Variants in THSD7A observed in about 807,000 individuals in gnomAD.
The protein encoded by THSD7A is thrombospondin type-1 domain-containing protein 7A.
THSD7A carries 96 observed loss-of-function variants against 231.3 expected under a neutral mutation model. The observed-to-expected ratio is 0.41, with a 90% confidence interval of 0.35 to 0.49. The LOEUF is 0.49. Among genes scored for constraint, THSD7A ranks in the 20% least tolerant of loss-of-function variants. The pLI, the probability that THSD7A is intolerant of heterozygous loss-of-function variation, is 0.05. For missense variants in THSD7A, 2,290 were observed against 2,070.2 expected, an observed-to-expected ratio of 1.11 and a Z score of -2.06; for synonymous variants, 940 against 743.3, an observed-to-expected ratio of 1.26 and a Z score of -4.30.
intron 1 of THSD7A, among the ~76,000 whole-genome samples, chr7:11,708,332 T>C (rs1188981322): frequency 6.6e-6 from 1 of 150,832 alleles, no homozygotes; most frequent in Non-Finnish European, 1.5e-5. Flanking sequence ...ATTTTGTTCA[T>C]GCTTTTCAAA....
chr7:11,437,649 T>C (rs1432150267), intron 13 of THSD7A, among the ~76,000 whole-genome samples: 1 of 152,072 alleles, frequency 6.6e-6, no homozygotes, highest in African/African-American at 2.4e-5. Flanking sequence ...AAATTAGGAC[T>C]CCATTTCAGC....
chr7:11,770,631 G>T (rs1385751444), intron 1 of THSD7A, among the ~76,000 whole-genome samples: 1 of 152,066 alleles, frequency 6.6e-6, no homozygotes. Flanking sequence ...ACTACACATA[G>T]CATGAAAATT....
intron 3 of THSD7A, among the ~76,000 whole-genome samples, chr7:11,592,754 G>A (rs1165670740): frequency 6.6e-6 from 1 of 152,142 alleles, no homozygotes; most frequent in East Asian, 1.9e-4. Flanking sequence ...GTTATACAAA[G>A]TACTGAATTT....
chr7:11,654,180 A>G (rs886486864), intron 1 of THSD7A, among the ~76,000 whole-genome samples: 1 of 151,942 alleles, frequency 6.6e-6, no homozygotes, highest in Non-Finnish European at 1.5e-5. Flanking sequence ...TACACTTCCA[A>G]GTTTCTTAAG....
rs903808427 is a variant in THSD7A, at chr7:11,373,279, T to C, written c.*2515A>G. 4 of 152,154 alleles carry C rather than the reference T, an allele frequency of 2.6e-5. No homozygotes were observed. The highest frequency in any genetic ancestry group is 9.6e-5 in the African/African-American group (4 of 41,548). 9.4% of individuals were successfully genotyped at this position (152,154 alleles called of 1,614,324 possible). ...ATTCTATCCCACATTTCAAAATTAA[T>C]AGGTGTTGCACACATTTCATAAGAG... On this transcript the variant is annotated 3_prime_UTR_variant, in exon 28 of 28. Coordinates refer to ENST00000423059, the MANE Select transcript of THSD7A (RefSeq NM_015204.3).
intron 2 of THSD7A, among the ~76,000 whole-genome samples, chr7:11,635,261 AT>A (rs58682174): frequency 0.098 from 14,887 of 152,068 alleles, 2,026 homozygotes; most frequent in African/African-American, 0.3. Flanking sequence ...ATGTTACTAT[AT>A]TTTTTTCAGT....
At chr7:11,715,271 A>C (rs888625168) in intron 1 of THSD7A, among the ~76,000 whole-genome samples, 1 of 151,498 alleles carries the variant, frequency 6.6e-6, no homozygotes. Context: ...ATGAAGATTC[A>C]AAGATCTCCT....
rs1240595212 is a variant in THSD7A, at chr7:11,820,971, C to T, written c.190+10786G>A. The T allele has an allele frequency of 5.8e-6, 6 of 1,036,460 alleles. No individual in the cohort carries two copies. In the African/African-American group the frequency reaches 8.0e-5, roughly 14 times the overall value. The allele number at this position is 1,036,460 out of a possible 1,614,324, so 64.2% of individuals were successfully genotyped here. ...TTTTTTATGACGTTCAATATCAAGG[C>T]GGAGATCAACAGGATCATCTCTGTA... On this transcript the variant is annotated intron_variant, in intron 1 of 27. Coordinates refer to ENST00000423059, the MANE Select transcript of THSD7A (RefSeq NM_015204.3).
At chr7:11,553,051 T>G (rs918073989) in intron 4 of THSD7A, among the ~76,000 whole-genome samples, 1 of 152,064 alleles carries the variant, frequency 6.6e-6, no homozygotes, top group African/African-American at 2.4e-5. Flanking sequence ...CATTTGTGTC[T>G]GTGTCCTAAA....
At chr7:11,593,610 G>A (rs926086018) in intron 2 of THSD7A, 108 bp from the exon 3 acceptor site, 2 of 1,373,584 alleles carry the variant, frequency 1.5e-6, no homozygotes, top group Admixed American at 2.3e-5. Context: ...CTACTTGGAG[G>A]TGTGATTCCA....
At chr7:11,671,500 CATTTATT>C (rs1783391549) in intron 1 of THSD7A, among the ~76,000 whole-genome samples, 14 of 152,022 alleles carry the variant, frequency 9.2e-5, no homozygotes. Context: ...GCCTTGTGTT[CATTTATT>C]ATTTATTGTA....
rs2128302338 is a variant in THSD7A at position 11,474,516 on chromosome 7, A to G, written c.2070T>C (p.Asn690=). 6.2e-7 allele frequency: 1 copy of G among 1,611,644 alleles called. No individual in the cohort carries two copies. The highest frequency in any genetic ancestry group is 8.5e-7 in the Non-Finnish European group (1 of 1,178,178). The change falls in exon 8 of 28, where the codon AAT becomes AAC. Residue 690 remains asparagine (N), a synonymous_variant. Transcript: ENST00000423059. The surrounding 1 kb of genome is among the most constrained non-coding windows in gnomAD (Gnocchi z 4.1). ...SSALQEVRSC[N]EHPCTVYHWQ... ...AGTGGTACACTGTGCAAGGATGCTC[A>G]TTACAGCTTCGTACTTCTTGCAAAG... is the stretch of plus-strand genomic sequence containing the variant.
At chr7:11,661,645 A>AT (rs1475921411) in intron 1 of THSD7A, among the ~76,000 whole-genome samples, 1 of 151,278 alleles carries the variant, frequency 6.6e-6, no homozygotes, top group Non-Finnish European at 1.5e-5. Flanking sequence ...TGATACAAAG[A>AT]TTGAAAAAAA....
chr7:11,551,392 C>A (rs1789620552), intron 4 of THSD7A, among the ~76,000 whole-genome samples: 2 of 151,992 alleles, frequency 1.3e-5, no homozygotes, highest in South Asian at 4.2e-4. Flanking sequence ...AAGAAACTAT[C>A]CACTGAGTAA....
chr7:11,812,590 G>A (rs1784564296), intron 1 of THSD7A, among the ~76,000 whole-genome samples: 1 of 152,254 alleles, frequency 6.6e-6, no homozygotes, highest in East Asian at 1.9e-4. Flanking sequence ...AAACACGTCT[G>A]TAATCATTTA....
intron 1 of THSD7A, among the ~76,000 whole-genome samples, chr7:11,752,268 C>G (rs1403266284): frequency 6.6e-6 from 1 of 152,056 alleles, no homozygotes; most frequent in Non-Finnish European, 1.5e-5. Context: ...CAGTCTCATG[C>G]ACAAACAACA....
chr7:11,734,977 C>A (rs1204379124), intron 1 of THSD7A, among the ~76,000 whole-genome samples: 3 of 151,916 alleles, frequency 2.0e-5, no homozygotes, highest in African/African-American at 7.2e-5. Context: ...ACTTATGGGA[C>A]TTGCCCACCT....
intron 1 of THSD7A, among the ~76,000 whole-genome samples, chr7:11,709,198 T>C (rs1020586174): frequency 2.0e-5 from 3 of 150,794 alleles, no homozygotes; most frequent in East Asian, 2.0e-4. Context: ...GTGAGCTCTC[T>C]GCTCATGCTG....
At chr7:11,805,330 A>G (rs1394140291) in intron 1 of THSD7A, among the ~76,000 whole-genome samples, 1 of 152,124 alleles carries the variant, frequency 6.6e-6, no homozygotes, top group African/African-American at 2.4e-5. Flanking sequence ...TTATACATTA[A>G]TTATTGTTTA....
Sources: allele counts gnomAD v4.1 joint callset (sites outside exome capture counted in the v4.1 genomes callset), GRCh38; gene constraint gnomAD v4.1.1; non-coding constraint Gnocchi (gnomAD v3.1); transcripts MANE v1.5; gene names NCBI Gene and HGNC (gene_info 2026-07-23, HGNC 2026-07-21).